Variants in ADCYAP1R1 observed in about 807,000 individuals in gnomAD.
ADCYAP1R1 encodes ADCYAP receptor type I.
ADCYAP1R1 carries 44 observed loss-of-function variants against 67.6 expected under a neutral mutation model. The observed-to-expected ratio is 0.65, with a 90% confidence interval of 0.51 to 0.84. The LOEUF is 0.84. Among genes scored for constraint, ADCYAP1R1 ranks in the 40% least tolerant of loss-of-function variants. ADCYAP1R1 has a pLI of 0.00. For missense variants in ADCYAP1R1, 477 were observed against 587.9 expected (o/e 0.81, Z 1.95); for synonymous variants, 222 against 219.6 (o/e 1.01, Z -0.10).
intron 8 of ADCYAP1R1, 30 bp from the exon 9 acceptor site, chr7:31,085,280 G>C (rs375749638): frequency 4.4e-6 from 7 of 1,605,192 alleles, no homozygotes; most frequent in Non-Finnish European, 5.1e-6. Context: ...GGGGTCCAAG[G>C]CTTCTTTCTC....
At chr7:31,082,114 G>C (rs892230251) in intron 6 of ADCYAP1R1, among the ~76,000 whole-genome samples, 2 of 152,212 alleles carry the variant, frequency 1.3e-5, no homozygotes, top group African/African-American at 4.8e-5. Context: ...GTTAAACCCA[G>C]GTTCCTGGCA....
intron 14 of ADCYAP1R1, among the ~76,000 whole-genome samples, chr7:31,103,617 A>G (rs568613337): frequency 6.6e-6 from 1 of 152,290 alleles, no homozygotes; most frequent in East Asian, 1.9e-4. Context: ...GTGACCTGAG[A>G]TGGCATCTCC....
At chr7:31,082,999 C>A (rs1181220033) in intron 6 of ADCYAP1R1, among the ~76,000 whole-genome samples, 1 of 152,274 alleles carries the variant, frequency 6.6e-6, no homozygotes, top group African/African-American at 2.4e-5. Flanking sequence ...TGACCTGCTG[C>A]CCTCCTTGCC....
At position 31,057,577 on chromosome 7, in the gene ADCYAP1R1, C is replaced by T. The variant is rs188370037; in HGVS notation, c.-72+4899C>T. The stretch of plus-strand genomic sequence containing the variant: ...TGGCCTGACTCCTGTCACCTTGTCA[C>T]GCCTGCCATTGCCGGGAGGCCCCTG... On this transcript the variant is annotated intron_variant, in intron 1 of 15. Transcript: ENST00000304166. Among the ~76,000 whole-genome samples the T allele has an allele frequency of 2.7e-3, 411 of 152,368 alleles. 2 individuals carry two copies. The highest frequency in any genetic ancestry group is 9.2e-3 in the African/African-American group (381 of 41,590).
chr7:31,063,137 C>T, intron 1 of ADCYAP1R1, 57 bp from the exon 2 acceptor site: 1 of 1,104,190 alleles, frequency 9.1e-7, no homozygotes, highest in Non-Finnish European at 1.3e-6. Flanking sequence ...GGGAGGTGGT[C>T]TTGCCCCCGG....
At chr7:31,094,043 G>A (rs1212357478) in intron 13 of ADCYAP1R1, among the ~76,000 whole-genome samples, 1 of 152,148 alleles carries the variant, frequency 6.6e-6, no homozygotes, top group Non-Finnish European at 1.5e-5. Context: ...TTCCTCAGGG[G>A]TGGGGGACTA....
At chr7:31,091,623 C>T (rs888948009) in intron 12 of ADCYAP1R1, among the ~76,000 whole-genome samples, 3 of 152,108 alleles carry the variant, frequency 2.0e-5, no homozygotes, top group Admixed American at 6.5e-5. Flanking sequence ...TTTCACTCTT[C>T]TGCCTATGGT....
At chr7:31,104,373 C>T (rs1203384219) in intron 14 of ADCYAP1R1, among the ~76,000 whole-genome samples, 5 of 152,184 alleles carry the variant, frequency 3.3e-5, no homozygotes, top group South Asian at 2.1e-4. Context: ...TAAGTGCATA[C>T]GCTGTGCCAA....
chr7:31,100,411 G>C (rs921943087), intron 13 of ADCYAP1R1, among the ~76,000 whole-genome samples: 2 of 152,026 alleles, frequency 1.3e-5, no homozygotes, highest in Admixed American at 1.3e-4. Flanking sequence ...GGCAGGGTGT[G>C]GGGATGGATC....
intron 12 of ADCYAP1R1, 80 bp downstream of exon 12, chr7:31,087,776 G>A (rs1795812031): frequency 2.6e-6 from 3 of 1,168,016 alleles, no homozygotes; most frequent in Admixed American, 4.0e-5. Flanking sequence ...AAATGAAAGA[G>A]TCCCCACACA....
intron 12 of ADCYAP1R1, 81 bp downstream of exon 12, chr7:31,087,777 TC>T: frequency 8.7e-7 from 1 of 1,149,912 alleles, no homozygotes; most frequent in Non-Finnish European, 1.3e-6. Context: ...AATGAAAGAG[TC>T]CCCACACAAC....
At chr7:31,085,584 C>G in intron 9 of ADCYAP1R1, 142 bp downstream of exon 9, 1 of 970,074 alleles carries the variant, frequency 1.0e-6, no homozygotes, top group South Asian at 1.9e-5. Flanking sequence ...CCCACCCCCC[C>G]GGTTTATGTG....
chr7:31,101,787 G>T (rs1796446761), intron 13 of ADCYAP1R1, among the ~76,000 whole-genome samples: 1 of 152,160 alleles, frequency 6.6e-6, no homozygotes, highest in African/African-American at 2.4e-5. Context: ...CCACCTTCAG[G>T]GAGTCACAGT....
intron 13 of ADCYAP1R1, 141 bp downstream of exon 13, chr7:31,092,876 G>T: frequency 1.6e-6 from 1 of 630,752 alleles, no homozygotes; most frequent in South Asian, 2.1e-5. Context: ...TGATTAAAGA[G>T]CCTTTAATAT....
intron 14 of ADCYAP1R1, among the ~76,000 whole-genome samples, chr7:31,104,389 C>T (rs980156288): frequency 6.6e-6 from 1 of 152,196 alleles, no homozygotes; most frequent in African/African-American, 2.4e-5. Flanking sequence ...GCCAAGTACT[C>T]GCTCTGCGTG....
At chr7:31,099,616 G>A (rs1175977711) in intron 13 of ADCYAP1R1, among the ~76,000 whole-genome samples, 2 of 152,168 alleles carry the variant, frequency 1.3e-5, no homozygotes, top group East Asian at 3.9e-4. Context: ...AGGGTAGAGG[G>A]GAAAGACCAG....
intron 3 of ADCYAP1R1, among the ~76,000 whole-genome samples, chr7:31,066,630 A>G (rs1794750217): frequency 6.6e-6 from 1 of 150,478 alleles, no homozygotes; most frequent in Admixed American, 6.6e-5. Flanking sequence ...CATCTGAATC[A>G]CTGGGGAACT....
chr7:31,063,434 ACAC>A, intron 2 of ADCYAP1R1, 119 bp downstream of exon 2: 1 of 1,127,432 alleles, frequency 8.9e-7, no homozygotes, highest in Non-Finnish European at 1.3e-6. Flanking sequence ...ATTTCTGCCA[ACAC>A]CACCACTGGG....
chr7:31,104,064 C>T (rs1049301161), intron 14 of ADCYAP1R1, among the ~76,000 whole-genome samples: 3 of 152,164 alleles, frequency 2.0e-5, no homozygotes, highest in Non-Finnish European at 4.4e-5. Flanking sequence ...TTGACCTTCT[C>T]CACCATTTTA....
Sources: allele counts gnomAD v4.1 joint callset (sites outside exome capture counted in the v4.1 genomes callset), GRCh38; gene constraint gnomAD v4.1.1; transcripts MANE v1.5; gene names NCBI Gene and HGNC (gene_info 2026-07-23, HGNC 2026-07-21).